The following OLA1 variants were observed in gnomAD, a reference collection of about 807,000 sequenced individuals.
The protein encoded by OLA1 is obg-like ATPase 1.
In OLA1, 14 loss-of-function variants were observed where a neutral mutation model predicts 48.4. The ratio of observed to expected loss-of-function variants is 0.29; its 90% CI spans 0.19 to 0.45. The LOEUF is 0.45. OLA1 is among the 20% of genes least tolerant of loss of function. OLA1 has a pLI of 1.00. For missense variants in OLA1, 325 were observed against 467.1 expected (o/e 0.70, Z 2.80); for synonymous variants, 127 against 150.4 (o/e 0.84, Z 1.14).
chr2:174,221,431 C>A (rs1688499536), intron 4 of OLA1, among the ~76,000 whole-genome samples: 1 of 152,130 alleles, frequency 6.6e-6, no homozygotes, highest in African/African-American at 2.4e-5. Context: ...CACACGACAG[C>A]CTTACACTCA....
intron 3 of OLA1, among the ~76,000 whole-genome samples, chr2:174,227,407 C>T (rs917644263): frequency 2.5e-4 from 38 of 152,016 alleles, no homozygotes; most frequent in African/African-American, 8.9e-4. Flanking sequence ...TAGTAAACTA[C>T]CCTGATTTTG....
At position 174,175,359 on chromosome 2, in the gene OLA1, G is replaced by T. The variant is rs79158224; in HGVS notation, c.374-33359C>A. On this transcript the variant is annotated intron_variant, in intron 4 of 10. Coordinates refer to ENST00000284719, the MANE Select transcript of OLA1 (RefSeq NM_013341.5). ...TTTCATATAACATATACTTGACAAAGAACTTGTATCCAGTTCTTTGATACT... is the reference window on the plus strand; with the variant it reads ...TTTCATATAACATATACTTGACAAATAACTTGTATCCAGTTCTTTGATACT... 4.1e-3 allele frequency among the ~76,000 whole-genome samples: 574 copies of T among 141,286 alleles called. 24 individuals carry two copies. In the East Asian group the frequency reaches 0.075, roughly 19 times the overall value. The allele number at this position is 141,286 out of a possible 152,430, so 92.7% of individuals were successfully genotyped here.
chr2:174,132,655 T>A (rs1035649001), intron 5 of OLA1, among the ~76,000 whole-genome samples: 3 of 152,214 alleles, frequency 2.0e-5, no homozygotes, highest in African/African-American at 7.2e-5. Flanking sequence ...TCTAGTAATC[T>A]TCCCATTATT....
At chr2:174,158,816 A>G (rs1686948158) in intron 4 of OLA1, among the ~76,000 whole-genome samples, 1 of 152,224 alleles carries the variant, frequency 6.6e-6, no homozygotes, top group Non-Finnish European at 1.5e-5. Flanking sequence ...ATGTAAAATC[A>G]GAACGAAAAA....
chr2:174,208,868 A>G (rs927002414), intron 4 of OLA1, among the ~76,000 whole-genome samples: 1 of 152,244 alleles, frequency 6.6e-6, no homozygotes, highest in African/African-American at 2.4e-5. Flanking sequence ...CAGAGCATCA[A>G]ATAAATGGAC....
chr2:174,098,339 A>G (rs1051044918), intron 7 of OLA1, among the ~76,000 whole-genome samples: 11 of 152,206 alleles, frequency 7.2e-5, no homozygotes, highest in African/African-American at 2.4e-4. Context: ...TTTTAACATA[A>G]TTTGGTGTTT....
chr2:174,232,429 G>A (rs1330100650), intron 2 of OLA1, among the ~76,000 whole-genome samples: 3 of 152,138 alleles, frequency 2.0e-5, no homozygotes, highest in Non-Finnish European at 4.4e-5. Flanking sequence ...TACGTAAGAT[G>A]ACAGAAATAA....
intron 10 of OLA1, among the ~76,000 whole-genome samples, chr2:174,077,218 A>C (rs1045299091): frequency 1.3e-5 from 2 of 152,198 alleles, no homozygotes; most frequent in Non-Finnish European, 2.9e-5. Context: ...ATTGCTAATA[A>C]TGTGATATCC....
chr2:174,087,755 C>T (rs1050471793), intron 7 of OLA1, among the ~76,000 whole-genome samples: 23 of 152,172 alleles, frequency 1.5e-4, no homozygotes, highest in Admixed American at 1.2e-3. Context: ...ATTTTCCCCA[C>T]CTCATGCCTT....
At chr2:174,141,239 C>T (rs138644267) in intron 5 of OLA1, among the ~76,000 whole-genome samples, 1,562 of 152,216 alleles carry the variant, frequency 0.01, 28 homozygotes, top group African/African-American at 0.036. Context: ...GCCAGGGCAC[C>T]GTTTCTTAAA....
At chr2:174,206,128 C>T in intron 4 of OLA1, among the ~76,000 whole-genome samples, 1 of 152,194 alleles carries the variant, frequency 6.6e-6, no homozygotes, top group Non-Finnish European at 1.5e-5. Flanking sequence ...TGATTTCATT[C>T]ATCCAAGTTA....
At chr2:174,091,940 T>C (rs992145637) in intron 7 of OLA1, among the ~76,000 whole-genome samples, 2 of 140,316 alleles carry the variant, frequency 1.4e-5, no homozygotes, top group African/African-American at 5.2e-5. Flanking sequence ...CCAATCTCTA[T>C]TCCCTTACAT....
At chr2:174,162,357 T>G (rs1687029437) in intron 4 of OLA1, among the ~76,000 whole-genome samples, 1 of 152,134 alleles carries the variant, frequency 6.6e-6, no homozygotes, top group African/African-American at 2.4e-5. Context: ...ATCTAATTTC[T>G]CAAAGGCCAT....
chr2:174,214,313 A>G (rs1484755835), intron 4 of OLA1, among the ~76,000 whole-genome samples: 1 of 152,198 alleles, frequency 6.6e-6, no homozygotes, highest in African/African-American at 2.4e-5. Context: ...AGCCTGGGCA[A>G]CAGAGAGAGA....
chr2:174,088,598 T>C (rs1685034552), intron 7 of OLA1, among the ~76,000 whole-genome samples: 1 of 152,226 alleles, frequency 6.6e-6, no homozygotes, highest in Admixed American at 6.5e-5. Context: ...CTTCTGCTTA[T>C]AACCATTTTC....
chr2:174,246,703 A>G lies in OLA1; in HGVS notation c.101+12T>C, dbSNP rs901201654. The G allele has an allele frequency of 6.5e-6, 10 of 1,541,256 alleles. No individual in the cohort carries two copies. The highest frequency in any genetic ancestry group is 4.1e-5 in the African/African-American group (3 of 73,296). On this transcript the variant is annotated intron_variant, in intron 2 of 10. Transcript: ENST00000284719. Reference sequence around the variant, plus strand: ...CAAAATGAAAATCACAAAAGCCCCAACGTTCACCTACCCAACATTTGGCAA... The same window carrying G: ...CAAAATGAAAATCACAAAAGCCCCAGCGTTCACCTACCCAACATTTGGCAA...
In OLA1 at chr2:174,081,212, T is replaced by C. The variant is rs778002836; in HGVS notation, c.906A>G (p.Ala302=). The C allele has an allele frequency of 2.5e-6, 4 of 1,611,264 alleles. No homozygotes were observed. The African/African-American group carries it at 4.0e-5, about 16-fold the overall frequency. The change falls in exon 9 of 11, where the codon GCA becomes GCG. Residue 302 remains alanine (A), a synonymous_variant. Transcript: ENST00000284719. The part of the protein sequence containing the change: ...LPKIIKAGFA[A]LQLEYFFTAG... ...CAGTGAAAAAGTATTCTAGTTGGAG[T>C]GCTGCAAACCCAGCCTTAATGATCT...
chr2:174,089,677 G>C (rs1047268083), intron 7 of OLA1, among the ~76,000 whole-genome samples: 1 of 151,994 alleles, frequency 6.6e-6, no homozygotes, highest in Non-Finnish European at 1.5e-5. Flanking sequence ...CGAGGCGGGG[G>C]GATTGCTTGA....
intron 7 of OLA1, among the ~76,000 whole-genome samples, chr2:174,114,162 A>T (rs1685721743): frequency 7.3e-6 from 1 of 136,192 alleles, no homozygotes; most frequent in East Asian, 2.1e-4. Flanking sequence ...CCCTGTCTCT[A>T]CTAAAAATAC....
Sources: gnomAD v4.1 joint callset for allele counts (sites outside exome capture counted in the v4.1 genomes callset) on GRCh38, gnomAD v4.1.1 for gene constraint, MANE v1.5 for transcripts, NCBI Gene and HGNC (gene_info 2026-07-23, HGNC 2026-07-21) for gene names.